The following AKAP13 variants were observed in gnomAD, a reference collection of about 807,000 sequenced individuals.
AKAP13 encodes the protein A-kinase anchor protein 13.
A neutral mutation model predicts 264.5 loss-of-function variants in AKAP13; 80 were observed. The observed-to-expected ratio is 0.30, with a 90% CI of 0.25 to 0.36. The LOEUF is 0.36. Ranked by LOEUF, AKAP13 falls within the 10% of genes least tolerant of loss-of-function variation. AKAP13 has a pLI of 1.00. For synonymous variants in AKAP13, 1,380 were observed against 1,250.2 expected (o/e 1.10, Z -2.19); for missense variants, 3,712 against 3,435.2 (o/e 1.08, Z -2.01).
chr15:85,711,019 T>C (rs2086606067), intron 19 of AKAP13, among the ~76,000 whole-genome samples: 1 of 152,066 alleles, frequency 6.6e-6, no homozygotes, highest in Admixed American at 6.5e-5. Flanking sequence ...ACTTTTTTTT[T>C]TTTATTATTT....
chr15:85,746,206 T>C lies in AKAP13; in HGVS notation c.*1529T>C, dbSNP rs1318830835. ...TGGTGCTTATTGATGAATTGCAAGC[T>C]GGCCTTGCAGATGGAGATATTTATC... is the stretch of plus-strand genomic sequence containing the variant. On this transcript the variant is annotated 3_prime_UTR_variant, in exon 37 of 37. Transcript: ENST00000394518. 6.5e-6 allele frequency: 1 copy of C among 152,680 alleles called. No homozygotes were observed. The highest frequency in any genetic ancestry group is 1.5e-5 in the Non-Finnish European group (1 of 68,046). The allele number at this position is 152,680 out of a possible 1,614,324, so 9.5% of individuals were successfully genotyped here.
chr15:85,459,070 G>A (rs1022289760), intron 1 of AKAP13, among the ~76,000 whole-genome samples: 1 of 152,142 alleles, frequency 6.6e-6, no homozygotes, highest in Non-Finnish European at 1.5e-5. Context: ...ATGAACTTTA[G>A]ATCCCTATAT....
rs1210930020 is a variant in AKAP13, at chr15:85,718,294, G to T, written c.6001+135G>T. ...AAAAGATTTCCTTTAAAAACTTTAA[G>T]GTACAGAGACGTGGTCCTGTTGGTA... On this transcript the variant is annotated intron_variant, in intron 22 of 36. Transcript: ENST00000394518. This position sits in a 1 kb window ranked among gnomAD's most constrained non-coding sequence, Gnocchi z 4.9. 2 of 1,080,818 alleles carry T rather than the reference G, an allele frequency of 1.9e-6. No homozygotes were observed. The highest frequency in any genetic ancestry group is 2.6e-6 in the Non-Finnish European group (2 of 762,150). 67.0% of individuals were successfully genotyped at this position (1,080,818 alleles called of 1,614,324 possible). A position where few individuals can be genotyped will look rare whatever the true frequency, so the allele number is the denominator to read the frequency against.
chr15:85,428,407 C>T (rs1385729194), intron 1 of AKAP13, among the ~76,000 whole-genome samples: 1 of 152,200 alleles, frequency 6.6e-6, no homozygotes. Context: ...CCATGTTGGT[C>T]AGGCTGGTCT....
chr15:85,437,454 T>C (rs2073364850), intron 1 of AKAP13, among the ~76,000 whole-genome samples: 1 of 151,822 alleles, frequency 6.6e-6, no homozygotes, highest in African/African-American at 2.4e-5. Flanking sequence ...GAGGGAATCC[T>C]CCCTAACTCA....
chr15:85,694,027 T>C (rs1463232443), intron 17 of AKAP13, among the ~76,000 whole-genome samples: 1 of 152,254 alleles, frequency 6.6e-6, no homozygotes, highest in Non-Finnish European at 1.5e-5. Context: ...ATCTGCACTC[T>C]GTTCTATGAT....
intron 17 of AKAP13, among the ~76,000 whole-genome samples, chr15:85,696,450 A>G (rs924259248): frequency 6.6e-6 from 1 of 152,230 alleles, no homozygotes; most frequent in Admixed American, 6.5e-5. Flanking sequence ...TCAATTAGAC[A>G]TTAACTCAAT....
chr15:85,544,813 CT>C (rs2151216534), intron 5 of AKAP13, among the ~76,000 whole-genome samples: 1 of 152,302 alleles, frequency 6.6e-6, no homozygotes, highest in Non-Finnish European at 1.5e-5. Context: ...GATCTATGTT[CT>C]TTAGCAATTG....
chr15:85,542,533 A>G (rs571330706), intron 4 of AKAP13, among the ~76,000 whole-genome samples: 1 of 152,344 alleles, frequency 6.6e-6, no homozygotes, highest in African/African-American at 2.4e-5. Context: ...GGGTCCAAAA[A>G]GTCCGAGTGC....
rs1268695174 is a variant in AKAP13, at chr15:85,698,864, A to C, written c.5464+5413A>C. On this transcript the variant is annotated intron_variant, in intron 17 of 36. Coordinates refer to ENST00000394518, the MANE Select transcript of AKAP13 (RefSeq NM_007200.5). ...GAGGCTGAGGCAGGAGAATCACTCG[A>C]ACCCAGGAGGCAGAGGTTGCAGTGA... Among the ~76,000 whole-genome samples the C allele has an allele frequency of 2.0e-5, 3 of 150,006 alleles. No homozygotes were observed. In the East Asian group the frequency reaches 6.0e-4, roughly 30 times the overall value.
intron 8 of AKAP13, among the ~76,000 whole-genome samples, chr15:85,617,519 C>T (rs529344209): frequency 5.3e-4 from 80 of 152,260 alleles, no homozygotes; most frequent in African/African-American, 1.9e-3. Context: ...GGATTACAGG[C>T]GTGAGCCACC....
At chr15:85,449,555 G>C (rs1474517663) in intron 1 of AKAP13, among the ~76,000 whole-genome samples, 1 of 152,150 alleles carries the variant, frequency 6.6e-6, no homozygotes, top group Non-Finnish European at 1.5e-5. Context: ...GTTGGCTGTG[G>C]ATTTGTCATA....
At chr15:85,650,759 A>AG in intron 10 of AKAP13, among the ~76,000 whole-genome samples, 2 of 44,286 alleles carry the variant, frequency 4.5e-5, no homozygotes, top group African/African-American at 2.9e-4. Context: ...CCATCTCAAA[A>AG]AAAAAAAAAA....
intron 14 of AKAP13, among the ~76,000 whole-genome samples, chr15:85,671,907 C>T (rs968028393): frequency 6.6e-6 from 1 of 152,088 alleles, no homozygotes; most frequent in Admixed American, 6.5e-5. Context: ...AGACCTTTTT[C>T]CTATATTTTG....
chr15:85,470,146 G>C (rs776108892), intron 1 of AKAP13, among the ~76,000 whole-genome samples: 2 of 152,096 alleles, frequency 1.3e-5, no homozygotes, highest in East Asian at 1.9e-4. Context: ...AAAATTAGCC[G>C]GGCATTGTGG....
At chr15:85,662,645 G>A (rs2083411191) in intron 12 of AKAP13, among the ~76,000 whole-genome samples, 1 of 152,132 alleles carries the variant, frequency 6.6e-6, no homozygotes, top group African/African-American at 2.4e-5. Flanking sequence ...CTAAGAGTCG[G>A]GTGATGCATC....
chr15:85,393,267 G>A (rs1462606110), intron 1 of AKAP13, among the ~76,000 whole-genome samples: 1 of 152,242 alleles, frequency 6.6e-6, no homozygotes, highest in Admixed American at 6.5e-5. Flanking sequence ...GAATAGAAAG[G>A]AACTATAGAT....
At chr15:85,551,470 A>C (rs1023033850) in intron 5 of AKAP13, among the ~76,000 whole-genome samples, 2 of 152,242 alleles carry the variant, frequency 1.3e-5, no homozygotes, top group African/African-American at 4.8e-5. Context: ...AATTTGAACC[A>C]GGTTGTAACT....
At chr15:85,396,122 T>C (rs2071100399) in intron 1 of AKAP13, among the ~76,000 whole-genome samples, 1 of 152,164 alleles carries the variant, frequency 6.6e-6, no homozygotes, top group Non-Finnish European at 1.5e-5. Context: ...GAACAGATGT[T>C]TATTTTTTCT....
Sources: allele counts gnomAD v4.1 joint callset (sites outside exome capture counted in the v4.1 genomes callset), GRCh38; gene constraint gnomAD v4.1.1; non-coding constraint Gnocchi (gnomAD v3.1); transcripts MANE v1.5; gene names NCBI Gene and HGNC (gene_info 2026-07-23, HGNC 2026-07-21).